The following AEBP2 variants were observed in gnomAD, a reference collection of about 807,000 sequenced individuals.
AEBP2 encodes AE binding protein 2.
Under a neutral mutation model 50.8 loss-of-function variants are expected in AEBP2, and 10 were observed. That is an observed-to-expected ratio of 0.20 (90% CI 0.12 to 0.33). The LOEUF (loss-of-function observed/expected upper bound fraction) is 0.33, where lower values mean the gene tolerates loss of function less well. AEBP2 is among the 10% of genes least tolerant of loss of function. AEBP2 has a pLI of 1.00. For synonymous variants in AEBP2, 296 were observed against 261.3 expected, an observed-to-expected ratio of 1.13 and a Z score of -1.28; for missense variants, 570 against 688.0, an observed-to-expected ratio of 0.83 and a Z score of 1.92.
At chr12:19,509,968 G>T (rs1324725002) in intron 5 of AEBP2, among the ~76,000 whole-genome samples, 1 of 151,540 alleles carries the variant, frequency 6.6e-6, no homozygotes, top group Non-Finnish European at 1.5e-5. Context: ...GAGTAGCTGG[G>T]ATTACTGACG....
At chr12:19,509,062 T>C in intron 5 of AEBP2, 1 of 582,592 alleles carries the variant, frequency 1.7e-6, no homozygotes, top group Non-Finnish European at 3.2e-6. Flanking sequence ...CAGGCAGACA[T>C]GGAGGGGTTC....
chr12:19,445,370 CTTTT>C (rs55898072), intron 1 of AEBP2, among the ~76,000 whole-genome samples: 6 of 135,590 alleles, frequency 4.4e-5, no homozygotes, highest in African/African-American at 5.4e-5. Context: ...TGCTCGTTTT[CTTTT>C]TTTTTTTTTT....
At chr12:19,437,873 A>G (rs12813757), upstream of AEBP2, among the ~76,000 whole-genome samples, 2,793 of 152,302 alleles carry the variant, frequency 0.018, 39 homozygotes, top group Middle Eastern at 0.054. Context: ...CTGGGTACTC[A>G]CGGTATATGA....
chr12:19,440,806 C>G (rs1947943592), intron 1 of AEBP2: 2 of 1,512,016 alleles, frequency 1.3e-6, no homozygotes, highest in Non-Finnish European at 1.8e-6. Flanking sequence ...CTGGTCTCGC[C>G]TGGATTTAAC....
chr12:19,462,492 T>C lies in AEBP2; in HGVS notation c.672-18T>C. Reference sequence around the variant, plus strand: ...GTGAATTTCTAGGAATAACACAGCCTTTTTTCTTCTTTTGTAGCATAAGCA... The same window carrying C: ...GTGAATTTCTAGGAATAACACAGCCCTTTTTCTTCTTTTGTAGCATAAGCA... On this transcript the variant is annotated intron_variant, in intron 1 of 7. Coordinates refer to ENST00000266508, the MANE Select transcript of AEBP2 (RefSeq NM_153207.5). The C allele has an allele frequency of 6.3e-7, 1 of 1,583,938 alleles. No homozygotes were observed. The highest frequency in any genetic ancestry group is 8.6e-7 in the Non-Finnish European group (1 of 1,162,634).
chr12:19,426,027 C>A (rs1207999426), intron 1 of AEBP2, among the ~76,000 whole-genome samples: 1 of 152,138 alleles, frequency 6.6e-6, no homozygotes, highest in East Asian at 1.9e-4. Flanking sequence ...AGCTTTGCCT[C>A]CTGGCTCAAG....
intron 3 of AEBP2, among the ~76,000 whole-genome samples, chr12:19,478,820 G>A (rs902597780): frequency 6.6e-6 from 1 of 152,018 alleles, no homozygotes; most frequent in Admixed American, 6.6e-5. Context: ...TTCCACTGTG[G>A]TCTGATAGGA....
At position 19,439,993 on chromosome 12, in the gene AEBP2, C is replaced by G. The variant is rs761687041; in HGVS notation, c.294C>G (p.Asp98Glu). The G allele has an allele frequency of 2.0e-6, 3 of 1,520,542 alleles. No homozygotes were observed. Among genetic ancestry groups the G allele is most frequent in the East Asian group, 5.3e-5 (2 of 37,948 alleles). The allele number at this position is 1,520,542 out of a possible 1,614,324, so 94.2% of individuals were successfully genotyped here. A position where few individuals can be genotyped will look rare whatever the true frequency, so the allele number is the denominator to read the frequency against. ...ESASQAGEDE[D>E]EEEDDEEEED... Reference sequence around the variant, plus strand: ...CCAGCCAGGCCGGGGAGGACGAAGACGAGGAGGAGGACGACGAGGAGGAGG... The same window carrying G: ...CCAGCCAGGCCGGGGAGGACGAAGAGGAGGAGGAGGACGACGAGGAGGAGG... Residue 98 changes from aspartate (D) to glutamate (E), a missense_variant, in exon 1 of 8, where the codon GAC becomes GAG. Coordinates refer to ENST00000266508, the MANE Select transcript of AEBP2 (RefSeq NM_153207.5).
chr12:19,503,548 G>T (rs1797167956), intron 5 of AEBP2, among the ~76,000 whole-genome samples: 1 of 152,114 alleles, frequency 6.6e-6, no homozygotes, highest in South Asian at 2.1e-4. Context: ...CATATTGGCA[G>T]TGAAGAAAGT....
chr12:19,509,523 A>G (rs548697848), intron 5 of AEBP2, among the ~76,000 whole-genome samples: 32 of 152,264 alleles, frequency 2.1e-4, no homozygotes, highest in Non-Finnish European at 4.3e-4. Context: ...AGGTAGGCAG[A>G]TCAGCTGAGC....
intron 1 of AEBP2, among the ~76,000 whole-genome samples, chr12:19,416,234 C>T (rs1166966884): frequency 6.6e-6 from 1 of 152,070 alleles, no homozygotes; most frequent in Non-Finnish European, 1.5e-5. Context: ...TTGTATCTGC[C>T]AAACAGAATT....
At chr12:19,451,686 A>T (rs901427112) in intron 1 of AEBP2, among the ~76,000 whole-genome samples, 32 of 146,916 alleles carry the variant, frequency 2.2e-4, no homozygotes, top group African/African-American at 8.1e-4. Flanking sequence ...CCATCTTTTA[A>T]TTTTTTTTTT....
Position 19,519,933 on chromosome 12 carries a change from A to G in AEBP2, c.*1816A>G, listed in dbSNP as rs1018535998. The stretch of plus-strand genomic sequence containing the variant: ...GGTATTATCCATTTGATCTATAGCA[A>G]TGTGATTTTATTTTTAAAAAGAAAA... On this transcript the variant is annotated 3_prime_UTR_variant, in exon 8 of 8. Transcript: ENST00000266508. 3.9e-5 allele frequency: 6 copies of G among 152,470 alleles called. No homozygotes were observed. Among genetic ancestry groups the G allele is most frequent in the Admixed American group, 1.3e-4 (2 of 15,280 alleles). 9.4% of individuals were successfully genotyped at this position (152,470 alleles called of 1,614,324 possible). A position where few individuals can be genotyped will look rare whatever the true frequency, so the allele number is the denominator to read the frequency against.
rs1468619694 is a variant in AEBP2, at chr12:19,518,439, T to G, written c.*322T>G. ...TTGCATGCTTGCTGCTTTAAGCTGC[T>G]TTTTTTTTTCTTTTCTTCCCTTTAG... On this transcript the variant is annotated 3_prime_UTR_variant, in exon 8 of 8. Coordinates refer to ENST00000266508, the MANE Select transcript of AEBP2 (RefSeq NM_153207.5). 1 of 1,123,838 alleles carries G rather than the reference T, an allele frequency of 8.9e-7. No homozygotes were observed. Among genetic ancestry groups the G allele is most frequent in the East Asian group, 4.0e-5 (1 of 24,716 alleles). The allele number at this position is 1,123,838 out of a possible 1,614,324, so 69.6% of individuals were successfully genotyped here. A position where few individuals can be genotyped will look rare whatever the true frequency, so the allele number is the denominator to read the frequency against.
At chr12:19,406,580 T>C (rs566364760) in intron 1 of AEBP2, among the ~76,000 whole-genome samples, 2 of 151,394 alleles carry the variant, frequency 1.3e-5, no homozygotes, top group East Asian at 3.9e-4. Flanking sequence ...CTCTGGAGGC[T>C]GAGACAGGAG....
At chr12:19,488,185 A>G (rs951933206) in intron 3 of AEBP2, among the ~76,000 whole-genome samples, 5 of 149,832 alleles carry the variant, frequency 3.3e-5, no homozygotes, top group African/African-American at 4.9e-5. Flanking sequence ...GTGCAGTGGT[A>G]TAGTCTCAGC....
intron 1 of AEBP2, chr12:19,413,039 C>G: frequency 4.3e-6 from 2 of 462,994 alleles, no homozygotes; most frequent in Non-Finnish European, 7.9e-6. Flanking sequence ...CTGGAGCGGG[C>G]TCGTCCTGGC....
Position 19,519,892 on chromosome 12 carries a change from A to G in AEBP2, c.*1775A>G, listed in dbSNP as rs1949374068. The G allele has an allele frequency of 6.6e-6, 1 of 152,384 alleles. No homozygotes were observed. Among genetic ancestry groups the G allele is most frequent in the Non-Finnish European group, 1.5e-5 (1 of 67,968 alleles). 9.4% of individuals were successfully genotyped at this position (152,384 alleles called of 1,614,324 possible). A position where few individuals can be genotyped will look rare whatever the true frequency, so the allele number is the denominator to read the frequency against. Reference sequence around the variant, plus strand: ...CACTGCTACTATAAGACATTCTGGAATGGTTGTTTAATAAGGGTATTATCC... The same window carrying G: ...CACTGCTACTATAAGACATTCTGGAGTGGTTGTTTAATAAGGGTATTATCC... On this transcript the variant is annotated 3_prime_UTR_variant, in exon 8 of 8. Coordinates refer to ENST00000266508, the MANE Select transcript of AEBP2 (RefSeq NM_153207.5).
In AEBP2 at chr12:19,462,594, T is replaced by C. The variant is rs1221092781; in HGVS notation, c.756T>C (p.Thr252=). 1.2e-6 allele frequency: 2 copies of C among 1,613,926 alleles called. No homozygotes were observed. The highest frequency in any genetic ancestry group is 1.3e-5 in the African/African-American group (1 of 75,064). Residue 252 remains threonine, a synonymous_variant, in exon 2 of 8, where the codon ACT becomes ACC. Transcript: ENST00000266508. ...TPAMMNGQGS[T]TSSSKNIAYN... ...CAATGATGAATGGACAAGGAAGCACTACTTCTTCAAGCAAAAATATTGCCT... is the reference window on the plus strand; with the variant it reads ...CAATGATGAATGGACAAGGAAGCACCACTTCTTCAAGCAAAAATATTGCCT...
Sources: allele counts gnomAD v4.1 joint callset (sites outside exome capture counted in the v4.1 genomes callset), GRCh38; gene constraint gnomAD v4.1.1; transcripts MANE v1.5; gene names NCBI Gene and HGNC (gene_info 2026-07-23, HGNC 2026-07-21).